Variants in KAZN observed in about 807,000 individuals in gnomAD.
The protein encoded by KAZN is kazrin.
Under a neutral mutation model 87.4 loss-of-function variants are expected in KAZN, and 40 were observed. That is an observed-to-expected ratio of 0.46 (90% CI 0.36 to 0.60). The LOEUF (loss-of-function observed/expected upper bound fraction) is 0.60, where lower values mean the gene tolerates loss of function less well. KAZN is among the 20% of genes least tolerant of loss of function. The pLI, the probability that KAZN is intolerant of heterozygous loss-of-function variation, is 0.00. For missense variants in KAZN, 898 were observed against 1,073.9 expected (o/e 0.84, Z 2.29); for synonymous variants, 466 against 458.3 (o/e 1.02, Z -0.22).
chr1:14,594,152 C>T (rs1289828696), upstream of KAZN, among the ~76,000 whole-genome samples: 3 of 152,118 alleles, frequency 2.0e-5, no homozygotes, highest in African/African-American at 7.2e-5. Context: ...CTATGTATGC[C>T]ACTTGTTTTA....
intron 1 of KAZN, among the ~76,000 whole-genome samples, chr1:14,744,580 T>TA (rs1644209373): frequency 6.6e-6 from 1 of 151,682 alleles, no homozygotes; most frequent in South Asian, 2.1e-4. Context: ...AAAATAAAAA[T>TA]AAAAAATTAG....
At chr1:14,902,404 T>A (rs1366248762) in intron 1 of KAZN, among the ~76,000 whole-genome samples, 1 of 151,920 alleles carries the variant, frequency 6.6e-6, no homozygotes, top group Non-Finnish European at 1.5e-5. Flanking sequence ...TTTTTTGTAT[T>A]TTTTTAGTAG....
intron 1 of KAZN, among the ~76,000 whole-genome samples, chr1:14,933,496 C>T (rs540741370): frequency 2.0e-5 from 3 of 152,284 alleles, no homozygotes; most frequent in African/African-American, 7.2e-5. Context: ...CCCAACATGT[C>T]TCACACTTCC....
intron 1 of KAZN, among the ~76,000 whole-genome samples, chr1:14,699,097 A>G (rs1641780352): frequency 6.6e-6 from 1 of 152,204 alleles, no homozygotes; most frequent in African/African-American, 2.4e-5. Context: ...ACCTTCAACC[A>G]GAGCAGAAGT....
At chr1:14,347,060 A>G (rs1658156417) in intron 2 of KAZN, among the ~76,000 whole-genome samples, 1 of 152,220 alleles carries the variant, frequency 6.6e-6, no homozygotes, top group Non-Finnish European at 1.5e-5. Flanking sequence ...GTTCAGGGAA[A>G]TAGATGTAGA....
At chr1:13,997,645 T>C (rs1178876205) in intron 1 of KAZN, among the ~76,000 whole-genome samples, 1 of 151,482 alleles carries the variant, frequency 6.6e-6, no homozygotes, top group Non-Finnish European at 1.5e-5. Context: ...ATTATTGAAA[T>C]AAGGCATGCA....
At chr1:14,263,043 T>C (rs115126410) in intron 2 of KAZN, among the ~76,000 whole-genome samples, 194 of 152,324 alleles carry the variant, frequency 1.3e-3, no homozygotes, top group African/African-American at 4.5e-3. Context: ...CTGAGCTGAT[T>C]CAAGAACTGT....
At position 14,070,062 on chromosome 1, in the gene KAZN, G is replaced by A. The variant is rs575739994; in HGVS notation, c.92-110373G>A. Among the ~76,000 whole-genome samples, 26 of 151,390 alleles carry A rather than the reference G, an allele frequency of 1.7e-4. No individual in the cohort carries two copies. The East Asian group carries it at 4.5e-3, about 26-fold the overall frequency. ...TGTGTGCCTGTAGTCCCAGCTACTC[G>A]GGAGGCTAAGGCAGGAGAATCGCTT... On this transcript the variant is annotated intron_variant, in intron 1 of 16. Transcript: ENST00000636203.
At chr1:14,633,225 C>T (rs916747063) in intron 1 of KAZN, among the ~76,000 whole-genome samples, 2 of 152,048 alleles carry the variant, frequency 1.3e-5, no homozygotes, top group African/African-American at 2.4e-5. Context: ...CCAAAATGCA[C>T]TTAATATTGT....
intron 1 of KAZN, among the ~76,000 whole-genome samples, chr1:13,972,281 T>C (rs7515246): frequency 0.21 from 31,325 of 150,700 alleles, 3,549 homozygotes; most frequent in East Asian, 0.38. Flanking sequence ...CTTTTCTTTT[T>C]TTTTTTTTTT....
rs986904525 is a variant in KAZN at position 15,077,151 on chromosome 1, T to C, written c.1222+11398T>C. Among the ~76,000 whole-genome samples, 5 of 150,602 alleles carry C rather than the reference T, an allele frequency of 3.3e-5. No homozygotes were observed. Among genetic ancestry groups the C allele is most frequent in the African/African-American group, 9.7e-5 (4 of 41,412 alleles). On this transcript the variant is annotated intron_variant, in intron 8 of 14. Coordinates refer to ENST00000376030, the MANE Select transcript of KAZN (RefSeq NM_201628.3). This position sits in a 1 kb window ranked among gnomAD's most constrained non-coding sequence, Gnocchi z 4.8. ...CATAATACACCCCAAGTCTTTCATA[T>C]TGACAACTAATTTTTTTTTAATTTA...
chr1:13,903,983 C>CT (rs1394834687), intron 1 of KAZN, among the ~76,000 whole-genome samples: 1 of 152,088 alleles, frequency 6.6e-6, no homozygotes, highest in African/African-American at 2.4e-5. Context: ...GATGCGAGCT[C>CT]TAGAGAGGCA....
chr1:14,700,263 G>C (rs1641848577), intron 1 of KAZN, among the ~76,000 whole-genome samples: 1 of 152,140 alleles, frequency 6.6e-6, no homozygotes, highest in African/African-American at 2.4e-5. Context: ...CACGAGGTCA[G>C]GAGTTTGAGA....
chr1:14,834,424 T>A (rs1355837925), intron 1 of KAZN, among the ~76,000 whole-genome samples: 1 of 146,986 alleles, frequency 6.8e-6, no homozygotes, highest in African/African-American at 2.5e-5. Flanking sequence ...TGCAGTGGCA[T>A]GATCTCGGCT....
intron 2 of KAZN, among the ~76,000 whole-genome samples, chr1:14,464,051 G>T (rs1667988118): frequency 6.6e-6 from 1 of 152,226 alleles, no homozygotes; most frequent in Admixed American, 6.5e-5. Flanking sequence ...TGACCAAGTA[G>T]TGTGGGGCAG....
intron 1 of KAZN, among the ~76,000 whole-genome samples, chr1:14,056,959 G>A (rs1642587342): frequency 6.6e-6 from 1 of 150,740 alleles, no homozygotes; most frequent in South Asian, 2.1e-4. Flanking sequence ...TGGGAGGATC[G>A]CTTGAGCCCA....
rs551169965 is a variant in KAZN, at chr1:14,760,292, T to C, written c.226+161069T>C. Among the ~76,000 whole-genome samples the C allele has an allele frequency of 1.2e-4, 18 of 152,314 alleles. No homozygotes were observed. The East Asian group carries it at 3.5e-3, about 29-fold the overall frequency. On this transcript the variant is annotated intron_variant, in intron 1 of 14. Coordinates refer to ENST00000376030, the MANE Select transcript of KAZN (RefSeq NM_201628.3). ...AAACGCCCCCAAGATAGTAGACTGG[T>C]GCTCCTTGCCAATGTTTTTACAAAT...
intron 1 of KAZN, among the ~76,000 whole-genome samples, chr1:14,658,330 T>C (rs1638928110): frequency 6.6e-6 from 1 of 152,210 alleles, no homozygotes; most frequent in South Asian, 2.1e-4. Context: ...TGGGACATAG[T>C]AAGCACTAAA....
intron 1 of KAZN, among the ~76,000 whole-genome samples, chr1:14,620,022 A>G (rs187154766): frequency 6.6e-6 from 1 of 152,266 alleles, no homozygotes; most frequent in East Asian, 1.9e-4. Flanking sequence ...GCCTCTTCTC[A>G]GCTCCCCAGG....
Sources: allele counts gnomAD v4.1 joint callset (sites outside exome capture counted in the v4.1 genomes callset), GRCh38; gene constraint gnomAD v4.1.1; non-coding constraint Gnocchi (gnomAD v3.1); transcripts MANE v1.5; gene names NCBI Gene and HGNC (gene_info 2026-07-23, HGNC 2026-07-21).